TGFB3: variants seen among roughly 807,000 people sequenced by gnomAD.
TGFB3 encodes the protein transforming growth factor beta-3 proprotein.
In TGFB3, 5 loss-of-function variants were observed where a neutral mutation model predicts 40.1. The ratio of observed to expected loss-of-function variants is 0.12; its 90% CI spans 0.07 to 0.26. The LOEUF is 0.26. TGFB3 is among the 10% of genes least tolerant of loss of function. The probability of loss-of-function intolerance (pLI) is 1.00; values close to 1 mark genes in which losing one functional copy is unlikely to be tolerated. For missense variants in TGFB3, 373 were observed against 530.1 expected (o/e 0.70, Z 2.91); for synonymous variants, 184 against 205.6 (o/e 0.89, Z 0.90).
intron 1 of TGFB3, among the ~76,000 whole-genome samples, chr14:75,974,917 C>T (rs2035335135): frequency 6.6e-6 from 1 of 151,862 alleles, no homozygotes; most frequent in African/African-American, 2.4e-5. Context: ...ATGGTGAAAC[C>T]CCATCTCTAT....
intron 1 of TGFB3, among the ~76,000 whole-genome samples, chr14:75,974,972 T>A (rs916035110): frequency 5.9e-5 from 9 of 151,562 alleles, no homozygotes; most frequent in African/African-American, 2.2e-4. Context: ...ATGTCTGTTA[T>A]TTCAGCTACT....
chr14:75,965,619 G>C lies in TGFB3; in HGVS notation c.723C>G (p.Asn241Lys). ...TFQPNGDILE[N>K]IHEVMEIKFK... ...ATTTGATTTCCATCACCTCGTGAAT[G>C]TTTTCCAGGATATCTCCATTGGGCT... Residue 241 changes from asparagine to lysine, a missense_variant, in exon 4 of 7, where the codon AAC becomes AAG. By Grantham distance (94) the Asn-to-Lys change is moderately conservative. Coordinates refer to ENST00000238682, the MANE Select transcript of TGFB3 (RefSeq NM_003239.5). The C allele has an allele frequency of 6.2e-7, 1 of 1,614,134 alleles. No homozygotes were observed. Among genetic ancestry groups the C allele is most frequent in the Non-Finnish European group, 8.5e-7 (1 of 1,179,988 alleles).
upstream of TGFB3, chr14:75,983,006 G>GC (rs2035455462): frequency 6.6e-6 from 1 of 152,344 alleles, no homozygotes; most frequent in South Asian, 2.1e-4. Flanking sequence ...TTTCCCACGA[G>GC]CAGCCAAGGG....
rs1472508537 is a variant in TGFB3, at chr14:75,981,329, A to C, written c.-436T>G. Reference sequence around the variant, plus strand: ...GGGGAGAAAGTGGGTATTTTAAAGAAGAAGCAGAAGGACCATGGCTGGGTC... The same window carrying C: ...GGGGAGAAAGTGGGTATTTTAAAGACGAAGCAGAAGGACCATGGCTGGGTC... On this transcript the variant is annotated 5_prime_UTR_variant, in exon 1 of 7. Coordinates refer to ENST00000238682, the MANE Select transcript of TGFB3 (RefSeq NM_003239.5). The surrounding 1 kb of genome is among the most constrained non-coding windows in gnomAD (Gnocchi z 4.7). 1 of 205,404 alleles carries C rather than the reference A, an allele frequency of 4.9e-6. No homozygotes were observed. Among genetic ancestry groups the C allele is most frequent in the African/African-American group, 2.3e-5 (1 of 43,646 alleles). 12.7% of individuals were successfully genotyped at this position (205,404 alleles called of 1,614,324 possible).
At chr14:75,965,821 G>C in intron 3 of TGFB3, 126 bp from the exon 4 acceptor site, 1 of 813,276 alleles carries the variant, frequency 1.2e-6, no homozygotes, top group Non-Finnish European at 2.1e-6. Context: ...GAGTTCTATT[G>C]AGGGTCACAG....
At chr14:75,963,171 G>C in intron 5 of TGFB3, 145 bp downstream of exon 5, 2 of 928,508 alleles carry the variant, frequency 2.2e-6, no homozygotes, top group Non-Finnish European at 1.7e-6. Context: ...AAATCTCTGT[G>C]AGAGATTTTC....
intron 3 of TGFB3, among the ~76,000 whole-genome samples, chr14:75,967,995 C>A (rs1175750365): frequency 6.6e-6 from 1 of 152,146 alleles, no homozygotes; most frequent in African/African-American, 2.4e-5. Flanking sequence ...GGCTCCCTCC[C>A]CAGCCTACTA....
intron 1 of TGFB3, among the ~76,000 whole-genome samples, chr14:75,974,702 T>C (rs2140248461): frequency 6.7e-6 from 1 of 149,522 alleles, no homozygotes; most frequent in Middle Eastern, 3.5e-3. Flanking sequence ...GAGGTCGAGG[T>C]TGCAGTGAGC....
rs1196922250 is a variant in TGFB3 at position 75,977,656 on chromosome 14, C to CAA, written c.352+2884_352+2885dup. ...TTTGTGGCAGTATGAATCTCCCGGG[C>CAA]AAAAAAAAAAAAAAAAAAATGCAGA... On this transcript the variant is annotated intron_variant, in intron 1 of 6. Transcript: ENST00000238682. Among the ~76,000 whole-genome samples the CAA allele has an allele frequency of 5.3e-3, 358 of 67,348 alleles. 5 individuals are homozygous for CAA. Among genetic ancestry groups the CAA allele is most frequent in the South Asian group, 0.015 (33 of 2,242 alleles). 44.2% of individuals were successfully genotyped at this position (67,348 alleles called of 152,430 possible).
chr14:75,968,764 C>T (rs2035251940), intron 3 of TGFB3, among the ~76,000 whole-genome samples: 1 of 152,198 alleles, frequency 6.6e-6, no homozygotes, highest in African/African-American at 2.4e-5. Flanking sequence ...CTTCAGCCCA[C>T]CATCTGCCAA....
At position 75,958,787 on chromosome 14, in the gene TGFB3, A is replaced by G. The variant is rs1439649620; in HGVS notation, c.*400T>C. On this transcript the variant is annotated 3_prime_UTR_variant, in exon 7 of 7. Coordinates refer to ENST00000238682, the MANE Select transcript of TGFB3 (RefSeq NM_003239.5). The stretch of plus-strand genomic sequence containing the variant: ...TGTGGTACAGCAATGAGCAAATCCA[A>G]CCTCAGATCTGAAGTGTCTTCCAGT... 2.4e-5 allele frequency: 8 copies of G among 327,236 alleles called. No individual in the cohort carries two copies. Among genetic ancestry groups the G allele is most frequent in the African/African-American group, 1.5e-4 (7 of 46,422 alleles). 20.3% of individuals were successfully genotyped at this position (327,236 alleles called of 1,614,324 possible).
chr14:75,970,629 C>T (rs189818866), intron 3 of TGFB3: 12 of 153,250 alleles, frequency 7.8e-5, no homozygotes, highest in African/African-American at 3.0e-4. Context: ...ATTATATGGC[C>T]CCAGCAACCT....
intron 4 of TGFB3, among the ~76,000 whole-genome samples, chr14:75,964,966 G>C (rs2035204158): frequency 6.6e-6 from 1 of 152,194 alleles, no homozygotes; most frequent in Non-Finnish European, 1.5e-5. Flanking sequence ...GAACTTCCCT[G>C]AACTCCAGAG....
intron 3 of TGFB3, among the ~76,000 whole-genome samples, chr14:75,969,822 T>G (rs183678008): frequency 6.6e-6 from 1 of 152,330 alleles, no homozygotes; most frequent in Non-Finnish European, 1.5e-5. Flanking sequence ...AATGCTCTTG[T>G]GTCCTCACAT....
chr14:75,963,426 A>G lies in TGFB3; in HGVS notation c.816T>C (p.Asp272=). Residue 272 remains aspartate, a synonymous_variant, in exon 5 of 7, where the codon GAT becomes GAC. Transcript: ENST00000238682. The stretch of plus-strand genomic sequence containing the variant: ...TGAGGATTAGATGAGGGTTGTGGTG[A>G]TCCTTCTGCTTCTTGAGGCGCCCCA... The part of the protein sequence containing the change: ...GDLGRLKKQK[D]HHNPHLILMM... The G allele has an allele frequency of 1.2e-6, 2 of 1,610,540 alleles. No individual in the cohort carries two copies. The highest frequency in any genetic ancestry group is 1.7e-6 in the Non-Finnish European group (2 of 1,178,608).
At chr14:75,961,590 T>C (rs1030205281) in intron 5 of TGFB3, among the ~76,000 whole-genome samples, 3 of 152,186 alleles carry the variant, frequency 2.0e-5, no homozygotes, top group African/African-American at 4.8e-5. Context: ...ATCACCCAAA[T>C]GTGATTATCA....
rs1324440191 is a variant in TGFB3, at chr14:75,979,049, C to T, written c.352+1493G>A. On this transcript the variant is annotated intron_variant, in intron 1 of 6. Transcript: ENST00000238682. This position sits in a 1 kb window ranked among gnomAD's most constrained non-coding sequence, Gnocchi z 4.8. ...CTAGGTGCCTCTGGGAACTGTGGGT[C>T]TCTGAGCCAGCCCCACCCAGAGACC... is the stretch of plus-strand genomic sequence containing the variant. 6.6e-6 allele frequency among the ~76,000 whole-genome samples: 1 copy of T among 152,188 alleles called. No homozygotes were observed. Among genetic ancestry groups the T allele is most frequent in the South Asian group, 2.1e-4 (1 of 4,832 alleles).
chr14:75,974,666 G>A (rs1345755682), intron 1 of TGFB3, among the ~76,000 whole-genome samples: 1 of 151,600 alleles, frequency 6.6e-6, no homozygotes, highest in African/African-American at 2.4e-5. Flanking sequence ...TCAGGAGGCT[G>A]AGGCAGGAGA....
intron 3 of TGFB3, among the ~76,000 whole-genome samples, chr14:75,968,871 C>T (rs1170199343): frequency 6.6e-6 from 1 of 152,126 alleles, no homozygotes; most frequent in Admixed American, 6.5e-5. Flanking sequence ...TCGATGGCTA[C>T]CGAGCCCAGG....
Sources: allele counts gnomAD v4.1 joint callset (sites outside exome capture counted in the v4.1 genomes callset), GRCh38; gene constraint gnomAD v4.1.1; non-coding constraint Gnocchi (gnomAD v3.1); transcripts MANE v1.5; gene names NCBI Gene and HGNC (gene_info 2026-07-23, HGNC 2026-07-21).